DAB1: variants seen among roughly 807,000 people sequenced by gnomAD.
DAB1 encodes DAB adaptor protein 1.
DAB1 carries 15 observed loss-of-function variants against 64.6 expected under a neutral mutation model. The ratio of observed to expected loss-of-function variants is 0.23; its 90% CI spans 0.16 to 0.36. The LOEUF is 0.36. DAB1 is among the 10% of genes least tolerant of loss of function. The pLI, the probability that DAB1 is intolerant of heterozygous loss-of-function variation, is 1.00. For missense variants in DAB1, 596 were observed against 706.7 expected (o/e 0.84, Z 1.78); for synonymous variants, 235 against 251.9 (o/e 0.93, Z 0.64).
chr1:58,272,695 G>A (rs530585918), intron 4 of DAB1, among the ~76,000 whole-genome samples: 1,976 of 150,632 alleles, frequency 0.013, 48 homozygotes, highest in African/African-American at 0.046. Flanking sequence ...CTTGCTTTAT[G>A]AATCTGGGTG....
At chr1:58,315,723 A>G (rs995241046) in intron 4 of DAB1, among the ~76,000 whole-genome samples, 2 of 152,208 alleles carry the variant, frequency 1.3e-5, no homozygotes, top group Non-Finnish European at 2.9e-5. Context: ...TGCATCCTCA[A>G]GATGGGGATG....
intron 5 of DAB1, among the ~76,000 whole-genome samples, chr1:58,062,024 C>CA (rs975653676): frequency 3.9e-4 from 59 of 152,236 alleles, no homozygotes; most frequent in African/African-American, 1.3e-3. Flanking sequence ...ACTGAGGCCC[C>CA]AAAAAATCAT....
At chr1:57,460,015 G>A (rs10889046) in intron 7 of DAB1, among the ~76,000 whole-genome samples, 53,097 of 152,012 alleles carry the variant, frequency 0.35, 9,661 homozygotes, top group East Asian at 0.56. Context: ...TTGCAAAGAT[G>A]AGGGATAATA....
chr1:57,898,805 C>T (rs1247251388), intron 5 of DAB1, among the ~76,000 whole-genome samples: 1 of 152,148 alleles, frequency 6.6e-6, no homozygotes, highest in Non-Finnish European at 1.5e-5. Context: ...GACATATAAC[C>T]AGCTGATCTT....
chr1:57,929,318 A>C (rs1321790712), intron 5 of DAB1, among the ~76,000 whole-genome samples: 1 of 152,192 alleles, frequency 6.6e-6, no homozygotes, highest in African/African-American at 2.4e-5. Flanking sequence ...CTTCTTGCAT[A>C]TTTTGGATAA....
intron 1 of DAB1, among the ~76,000 whole-genome samples, chr1:57,340,700 A>C (rs1677502030): frequency 6.6e-6 from 1 of 152,220 alleles, no homozygotes. Flanking sequence ...AAAGTGTTGA[A>C]GCACACACTG....
intron 6 of DAB1, among the ~76,000 whole-genome samples, chr1:57,692,153 G>C (rs1558615979): frequency 6.6e-6 from 1 of 152,114 alleles, no homozygotes; most frequent in East Asian, 1.9e-4. Flanking sequence ...AGTGAGACTC[G>C]CCCATCTATC....
chr1:57,298,527 C>T (rs1673382334), intron 1 of DAB1, among the ~76,000 whole-genome samples: 1 of 151,924 alleles, frequency 6.6e-6, no homozygotes, highest in South Asian at 2.1e-4. Context: ...GCTCTCTTGC[C>T]ATAACTGTAA....
intron 5 of DAB1, among the ~76,000 whole-genome samples, chr1:58,146,520 C>T (rs1433373740): frequency 6.6e-6 from 1 of 152,160 alleles, no homozygotes; most frequent in Non-Finnish European, 1.5e-5. Flanking sequence ...CCCCTTCCCA[C>T]TCCTGGCAAT....
chr1:57,848,873 T>C (rs1434741620), intron 1 of DAB1, among the ~76,000 whole-genome samples: 1 of 152,110 alleles, frequency 6.6e-6, no homozygotes, highest in East Asian at 1.9e-4. Context: ...CTGATGAGAT[T>C]AGACACTTAA....
intron 3 of DAB1, among the ~76,000 whole-genome samples, chr1:58,395,301 T>C (rs540393381): frequency 2.6e-5 from 4 of 152,150 alleles, no homozygotes; most frequent in African/African-American, 4.8e-5. Flanking sequence ...CTTTGAGAAA[T>C]TGTAGAACTC....
chr1:58,491,910 T>G (rs961481907), intron 3 of DAB1, among the ~76,000 whole-genome samples: 108 of 152,224 alleles, frequency 7.1e-4, no homozygotes, highest in African/African-American at 2.4e-3. Context: ...CTGCACCAAG[T>G]GGACCTAATA....
At chr1:58,307,468 T>C (rs1187862901) in intron 4 of DAB1, among the ~76,000 whole-genome samples, 1 of 152,186 alleles carries the variant, frequency 6.6e-6, no homozygotes, top group African/African-American at 2.4e-5. Context: ...AGAGGACTGA[T>C]ATCTAACTCA....
chr1:58,024,600 G>A (rs1646862039), intron 5 of DAB1, among the ~76,000 whole-genome samples: 1 of 152,164 alleles, frequency 6.6e-6, no homozygotes, highest in Non-Finnish European at 1.5e-5. Context: ...TAAGGATTAT[G>A]CTGTTATAAT....
At chr1:58,074,803 G>C (rs1260341025) in intron 5 of DAB1, among the ~76,000 whole-genome samples, 1 of 151,858 alleles carries the variant, frequency 6.6e-6, no homozygotes, top group Non-Finnish European at 1.5e-5. Context: ...AGAAAGAAAA[G>C]ACTGTGGTTT....
chr1:57,820,117 C>T (rs761924275), intron 6 of DAB1, among the ~76,000 whole-genome samples: 7 of 152,196 alleles, frequency 4.6e-5, no homozygotes, highest in African/African-American at 7.2e-5. Context: ...TCACAGGCGT[C>T]AAACTAGCCC....
At chr1:57,278,818 C>A (rs893899197) in intron 2 of DAB1, among the ~76,000 whole-genome samples, 1 of 152,204 alleles carries the variant, frequency 6.6e-6, no homozygotes, top group Non-Finnish European at 1.5e-5. Flanking sequence ...AACTGCAGGG[C>A]CCTTACAGCA....
chr1:57,397,887 C>T (rs925834585), intron 1 of DAB1, among the ~76,000 whole-genome samples: 1 of 152,212 alleles, frequency 6.6e-6, no homozygotes, highest in Non-Finnish European at 1.5e-5. Flanking sequence ...CAAGGCTTTG[C>T]ATTTAGCCCT....
chr1:57,039,387 G>GA (rs1275053012), intron 9 of DAB1, among the ~76,000 whole-genome samples: 1 of 152,196 alleles, frequency 6.6e-6, no homozygotes, highest in African/African-American at 2.4e-5. Flanking sequence ...AATAGTCATG[G>GA]AATTATTTGC....
Sources: gnomAD v4.1 joint callset for allele counts (sites outside exome capture counted in the v4.1 genomes callset) on GRCh38, gnomAD v4.1.1 for gene constraint, MANE v1.5 for transcripts, NCBI Gene and HGNC (gene_info 2026-07-23, HGNC 2026-07-21) for gene names.